Variants in PKHD1 observed in about 807,000 individuals in gnomAD.
PKHD1 encodes PKHD1 ciliary IPT domain containing fibrocystin/polyductin.
A neutral mutation model predicts 412.0 loss-of-function variants in PKHD1; 291 were observed. The observed-to-expected ratio is 0.71, with a 90% CI of 0.64 to 0.78. The LOEUF is 0.78. Among genes scored for constraint, PKHD1 ranks in the 30% least tolerant of loss-of-function variants. The pLI, the probability that PKHD1 is intolerant of heterozygous loss-of-function variation, is 0.00. For missense variants in PKHD1, 4,825 were observed against 4,950.7 expected (o/e 0.97, Z 0.76); for synonymous variants, 1,777 against 1,821.5 (o/e 0.98, Z 0.62).
chr6:51,791,384 A>G lies in PKHD1; in HGVS notation c.8303-11T>C, dbSNP rs1793722933. The G allele has an allele frequency of 6.2e-7, 1 of 1,613,026 alleles. No homozygotes were observed. Among genetic ancestry groups the G allele is most frequent in the South Asian group, 1.1e-5 (1 of 91,078 alleles). On this transcript the variant is annotated splice_polypyrimidine_tract_variant and intron_variant, in intron 52 of 66. Coordinates refer to ENST00000371117, the MANE Select transcript of PKHD1 (RefSeq NM_138694.4). ...CAAGGACAGTTCTGTCTGTGGAAGA[A>G]AAAGAAATTGCTCAGATATGTCACA... is the stretch of plus-strand genomic sequence containing the variant.
At chr6:51,881,190 G>A (rs1348128602) in intron 46 of PKHD1, among the ~76,000 whole-genome samples, 1 of 138,486 alleles carries the variant, frequency 7.2e-6, no homozygotes, top group Non-Finnish European at 1.5e-5. Context: ...TTTTTTGCTT[G>A]TTCACTTTAA....
chr6:52,069,453 G>T lies in PKHD1; in HGVS notation c.778+4C>A. On this transcript the variant is annotated splice_donor_region_variant and intron_variant, in intron 11 of 66. Transcript: ENST00000371117. ...AAGGGGTACTTGGTGAAGGGGGATA[G>T]TACCTGAGTGTGTCTGGTATAGGAA... 1 of 1,600,176 alleles carries T rather than the reference G, an allele frequency of 6.2e-7. No individual in the cohort carries two copies. Among genetic ancestry groups the T allele is most frequent in the Non-Finnish European group, 8.6e-7 (1 of 1,167,204 alleles).
intron 66 of PKHD1, among the ~76,000 whole-genome samples, chr6:51,624,241 A>T (rs1581721532): frequency 6.6e-6 from 1 of 152,288 alleles, no homozygotes; most frequent in East Asian, 1.9e-4. Flanking sequence ...TTCAGTGGGC[A>T]TGCTGTTATT....
At chr6:51,717,141 A>G (rs911920030) in intron 60 of PKHD1, among the ~76,000 whole-genome samples, 4 of 152,186 alleles carry the variant, frequency 2.6e-5, no homozygotes, top group Non-Finnish European at 2.9e-5. Context: ...ATGGACTCCA[A>G]TGGCTCACGC....
intron 60 of PKHD1, among the ~76,000 whole-genome samples, chr6:51,725,793 T>G (rs539083158): frequency 3.9e-5 from 6 of 152,302 alleles, no homozygotes; most frequent in Admixed American, 3.9e-4. Context: ...AACTAATATC[T>G]CTGTCATTTT....
intron 48 of PKHD1, among the ~76,000 whole-genome samples, chr6:51,863,899 G>A (rs183056100): frequency 6.6e-6 from 1 of 152,206 alleles, no homozygotes; most frequent in East Asian, 1.9e-4. Flanking sequence ...GAGTTGCTAT[G>A]TGTTAAACAG....
At chr6:51,820,785 A>T (rs1766266307) in intron 52 of PKHD1, among the ~76,000 whole-genome samples, 4 of 152,104 alleles carry the variant, frequency 2.6e-5, no homozygotes, top group African/African-American at 7.2e-5. Flanking sequence ...TTGTCACTTC[A>T]GCAAAGTTCT....
chr6:51,623,944 T>C (rs550637968), intron 66 of PKHD1, among the ~76,000 whole-genome samples: 1 of 152,326 alleles, frequency 6.6e-6, no homozygotes, highest in Non-Finnish European at 1.5e-5. Flanking sequence ...TATAAAATTA[T>C]GGTAAGAATG....
chr6:51,775,973 G>T (rs755998270), intron 53 of PKHD1, 52 bp from the exon 54 acceptor site: 3 of 879,736 alleles, frequency 3.4e-6, no homozygotes, highest in South Asian at 1.3e-5. Flanking sequence ...TTAAAAGAAA[G>T]AGAGGGAGAA....
intron 49 of PKHD1, among the ~76,000 whole-genome samples, chr6:51,851,397 T>C (rs1264474094): frequency 6.6e-6 from 1 of 152,238 alleles, no homozygotes; most frequent in African/African-American, 2.4e-5. Flanking sequence ...GGTATCAGAA[T>C]GATGCTGGCT....
chr6:51,688,512 A>C (rs9474053), intron 60 of PKHD1, among the ~76,000 whole-genome samples: 10,406 of 150,592 alleles, frequency 0.069, 473 homozygotes, highest in African/African-American at 0.13. Context: ...AACACACACA[A>C]AAAAAAAAAT....
At chr6:51,641,237 C>T (rs757990169) in intron 63 of PKHD1, among the ~76,000 whole-genome samples, 6 of 152,196 alleles carry the variant, frequency 3.9e-5, no homozygotes, top group Admixed American at 1.3e-4. Context: ...CACCCTCAAA[C>T]TAGTCCTCAC....
rs1206793320 is a variant in PKHD1, at chr6:51,772,693, A to C, written c.8642+9T>G. 1 of 1,455,912 alleles carries C rather than the reference A, an allele frequency of 6.9e-7. No individual in the cohort carries two copies. The highest frequency in any genetic ancestry group is 1.4e-5 in the African/African-American group (1 of 71,798). The allele number at this position is 1,455,912 out of a possible 1,614,324, so 90.2% of individuals were successfully genotyped here. A position where few individuals can be genotyped will look rare whatever the true frequency, so the allele number is the denominator to read the frequency against. On this transcript the variant is annotated intron_variant, in intron 55 of 66. Transcript: ENST00000371117. Reference sequence around the variant, plus strand: ...CAAGAAAAAGCCCTAAGTTACTCTCATTCCTTACCTCTCATTTCCTGAGGC... The same window carrying C: ...CAAGAAAAAGCCCTAAGTTACTCTCCTTCCTTACCTCTCATTTCCTGAGGC...
chr6:51,829,662 C>A (rs763523064), intron 52 of PKHD1, among the ~76,000 whole-genome samples: 1 of 152,168 alleles, frequency 6.6e-6, no homozygotes, highest in African/African-American at 2.4e-5. Context: ...TCACACCTGT[C>A]CCTCGTGTCT....
At chr6:51,619,997 T>C (rs1036856064) in intron 66 of PKHD1, among the ~76,000 whole-genome samples, 1 of 152,240 alleles carries the variant, frequency 6.6e-6, no homozygotes, top group Non-Finnish European at 1.5e-5. Context: ...TTTGCAGAAA[T>C]AATCACATAA....
At chr6:51,814,616 A>G (rs957921452) in intron 52 of PKHD1, among the ~76,000 whole-genome samples, 3 of 152,016 alleles carry the variant, frequency 2.0e-5, no homozygotes, top group Admixed American at 2.0e-4. Context: ...AAGGCAGTAA[A>G]TCCCCAGAGA....
intron 11 of PKHD1, among the ~76,000 whole-genome samples, chr6:52,068,427 C>T (rs1184266462): frequency 1.3e-5 from 2 of 152,342 alleles, no homozygotes; most frequent in East Asian, 3.9e-4. Flanking sequence ...AATGGGCAGG[C>T]TCACAAAAAC....
intron 43 of PKHD1, among the ~76,000 whole-genome samples, chr6:51,900,250 A>G (rs1781008716): frequency 1.3e-5 from 2 of 152,232 alleles, no homozygotes; most frequent in Admixed American, 1.3e-4. Context: ...TGGAGGCATC[A>G]CCCTACCTGA....
chr6:51,768,901 T>C (rs948694391), intron 55 of PKHD1, among the ~76,000 whole-genome samples: 11 of 151,678 alleles, frequency 7.3e-5, no homozygotes, highest in Non-Finnish European at 1.6e-4. Context: ...AGTCTTCATT[T>C]ACTGTTTATT....
Sources: allele counts gnomAD v4.1 joint callset (sites outside exome capture counted in the v4.1 genomes callset), GRCh38; gene constraint gnomAD v4.1.1; transcripts MANE v1.5; gene names NCBI Gene and HGNC (gene_info 2026-07-23, HGNC 2026-07-21).